The following DISC1 variants were observed in gnomAD, a reference collection of about 807,000 sequenced individuals.
The protein encoded by DISC1 is DISC1 scaffold protein, also known as disrupted in schizophrenia 1 protein.
Under a neutral mutation model 84.5 loss-of-function variants are expected in DISC1, and 57 were observed. The ratio of observed to expected loss-of-function variants is 0.67; its 90% CI spans 0.55 to 0.84. The LOEUF (loss-of-function observed/expected upper bound fraction) is 0.84. DISC1 is among the 40% of genes least tolerant of loss of function. The pLI, the probability that DISC1 is intolerant of heterozygous loss-of-function variation, is 0.00. For missense variants in DISC1, 1,000 were observed against 1,057.8 expected (o/e 0.95, Z 0.76); for synonymous variants, 411 against 415.2 (o/e 0.99, Z 0.12).
intron 9 of DISC1, among the ~76,000 whole-genome samples, chr1:231,836,003 G>A: frequency 6.6e-6 from 1 of 152,188 alleles, no homozygotes; most frequent in East Asian, 1.9e-4. Context: ...TCAGGGAACT[G>A]CCGCAATTGA....
At chr1:231,965,870 G>GT (rs1661040111) in intron 10 of DISC1, among the ~76,000 whole-genome samples, 1 of 152,186 alleles carries the variant, frequency 6.6e-6, no homozygotes, top group South Asian at 2.1e-4. Flanking sequence ...TTCCTGCATG[G>GT]TACCCATAGT....
chr1:231,885,237 A>G (rs2125990486), intron 9 of DISC1, among the ~76,000 whole-genome samples: 1 of 152,332 alleles, frequency 6.6e-6, no homozygotes, highest in East Asian at 1.9e-4. Context: ...AACTTCTGCT[A>G]GGGCTAAAGG....
intron 9 of DISC1, among the ~76,000 whole-genome samples, chr1:231,834,206 A>G (rs530789060): frequency 1.8e-4 from 28 of 152,262 alleles, no homozygotes; most frequent in South Asian, 8.3e-4. Flanking sequence ...GACCGGGTGT[A>G]AGGAGGAGAG....
Position 231,867,978 on chromosome 1 carries a change from C to A in DISC1, c.1981+49461C>A, listed in dbSNP as rs140591886. Among the ~76,000 whole-genome samples, 673 of 152,326 alleles carry A rather than the reference C, an allele frequency of 4.4e-3. 6 individuals carry two copies. Among genetic ancestry groups the A allele is most frequent in the Non-Finnish European group, 7.0e-3 (479 of 68,040 alleles). On this transcript the variant is annotated intron_variant, in intron 9 of 12. Transcript: ENST00000439617. The stretch of plus-strand genomic sequence containing the variant: ...GTCCCCTTAGCATTCCTCTGCTAAT[C>A]TTCCATTTGTATTGCAATAAGTGTG...
intron 9 of DISC1, among the ~76,000 whole-genome samples, chr1:231,904,557 C>T (rs554432176): frequency 2.0e-5 from 3 of 152,098 alleles, no homozygotes; most frequent in Admixed American, 1.3e-4. Flanking sequence ...AACCTAAATA[C>T]ACAGATAGAT....
At chr1:231,646,544 C>T (rs1056744037) in intron 1 of DISC1, among the ~76,000 whole-genome samples, 5 of 152,144 alleles carry the variant, frequency 3.3e-5, no homozygotes, top group Admixed American at 3.3e-4. Context: ...TGCCCCAATT[C>T]TAAATTTTTG....
At chr1:231,687,784 A>C (rs2064479352) in intron 1 of DISC1, among the ~76,000 whole-genome samples, 1 of 152,066 alleles carries the variant, frequency 6.6e-6, no homozygotes, top group South Asian at 2.1e-4. Context: ...GGGCAGGGGG[A>C]AATGGGGAGT....
chr1:231,646,011 C>T (rs1572455065), intron 1 of DISC1, among the ~76,000 whole-genome samples: 1 of 151,506 alleles, frequency 6.6e-6, no homozygotes, highest in African/African-American at 2.4e-5. Flanking sequence ...AGACCTAACA[C>T]ACATCTACAG....
At chr1:231,789,743 T>C (rs1457157285) in intron 6 of DISC1, among the ~76,000 whole-genome samples, 1 of 152,142 alleles carries the variant, frequency 6.6e-6, no homozygotes, top group East Asian at 1.9e-4. Context: ...GTGACTGTTA[T>C]TGACTTAAAT....
chr1:231,917,391 T>C (rs2089710080), intron 9 of DISC1, among the ~76,000 whole-genome samples: 1 of 152,268 alleles, frequency 6.6e-6, no homozygotes, highest in South Asian at 2.1e-4. Context: ...TATTGCCTTA[T>C]GCCTTGAATA....
rs892390605 is a variant in DISC1 at position 231,626,832 on chromosome 1, G to C, written c.-36G>C. The C allele has an allele frequency of 7.0e-7, 1 of 1,419,440 alleles. No individual in the cohort carries two copies. Among genetic ancestry groups the C allele is most frequent in the East Asian group, 2.7e-5 (1 of 36,382 alleles). 87.9% of individuals were successfully genotyped at this position (1,419,440 alleles called of 1,614,324 possible). On this transcript the variant is annotated 5_prime_UTR_variant, in exon 1 of 13. Transcript: ENST00000439617. ...GGCCTCGGGGAAGGAGCAGGAGGCA[G>C]CCCAGGCGGAGCGGGAGGAGCTGGC...
intron 4 of DISC1, among the ~76,000 whole-genome samples, chr1:231,751,968 G>C (rs985734934): frequency 1.3e-5 from 2 of 152,102 alleles, no homozygotes; most frequent in African/African-American, 4.8e-5. Flanking sequence ...ATCTATACCT[G>C]AATTTTAGGA....
intron 10 of DISC1, among the ~76,000 whole-genome samples, chr1:231,988,571 C>T (rs375535448): frequency 3.3e-5 from 5 of 152,240 alleles, no homozygotes; most frequent in South Asian, 4.1e-4. Flanking sequence ...TTCCTTTCAC[C>T]GTGTTAGGAT....
chr1:231,634,419 G>C (rs2059016058), intron 1 of DISC1, among the ~76,000 whole-genome samples: 1 of 152,126 alleles, frequency 6.6e-6, no homozygotes, highest in African/African-American at 2.4e-5. Flanking sequence ...GAGCTGTTTT[G>C]GGATCACAAA....
intron 9 of DISC1, among the ~76,000 whole-genome samples, chr1:231,859,075 TTGGAAACCAGCATACTTCTGGTTC>T (rs1237287241): frequency 8.5e-5 from 13 of 152,206 alleles, no homozygotes; most frequent in Admixed American, 8.5e-4. Context: ...TCAACCTATT[TTGGAAACCAGCATACTTCTGGTTC>T]TGAGAATTCA....
At chr1:231,643,043 G>A (rs545322240) in intron 1 of DISC1, among the ~76,000 whole-genome samples, 14 of 152,336 alleles carry the variant, frequency 9.2e-5, no homozygotes, top group Admixed American at 6.5e-4. Context: ...TTTCAGAGCT[G>A]TCACTTGTGA....
intron 8 of DISC1, among the ~76,000 whole-genome samples, chr1:231,800,880 T>C (rs1316302102): frequency 6.6e-6 from 1 of 151,812 alleles, no homozygotes; most frequent in Non-Finnish European, 1.5e-5. Flanking sequence ...AGCTAAGCAG[T>C]GGCAGATCTG....
intron 4 of DISC1, among the ~76,000 whole-genome samples, chr1:231,766,714 C>T (rs1313119927): frequency 2.0e-5 from 3 of 152,184 alleles, no homozygotes; most frequent in Admixed American, 1.3e-4. Flanking sequence ...TTAATTTTAA[C>T]AATACATTTA....
chr1:231,727,967 T>G (rs1573304667), intron 3 of DISC1, among the ~76,000 whole-genome samples: 1 of 149,744 alleles, frequency 6.7e-6, no homozygotes, highest in African/African-American at 2.5e-5. Context: ...AAAGGAGGGG[T>G]AGGGGGGTGG....
Sources: allele counts gnomAD v4.1 joint callset (sites outside exome capture counted in the v4.1 genomes callset), GRCh38; gene constraint gnomAD v4.1.1; transcripts MANE v1.5; gene names NCBI Gene and HGNC (gene_info 2026-07-23, HGNC 2026-07-21).